CLSTN2: variants seen among roughly 807,000 people sequenced by gnomAD.
The protein encoded by CLSTN2 is calsyntenin 2.
Under a neutral mutation model 101.2 loss-of-function variants are expected in CLSTN2, and 48 were observed. The ratio of observed to expected loss-of-function variants is 0.47; its 90% CI spans 0.38 to 0.60. CLSTN2 has a LOEUF of 0.60. Ranked by LOEUF, CLSTN2 falls within the 20% of genes least tolerant of loss-of-function variation. CLSTN2 has a pLI of 0.00. For missense variants in CLSTN2, 1,160 were observed against 1,238.2 expected, an observed-to-expected ratio of 0.94 and a Z score of 0.95; for synonymous variants, 481 against 463.6, an observed-to-expected ratio of 1.04 and a Z score of -0.48.
intron 1 of CLSTN2, among the ~76,000 whole-genome samples, chr3:139,939,081 T>A (rs1422681116): frequency 6.6e-6 from 1 of 152,174 alleles, no homozygotes; most frequent in African/African-American, 2.4e-5. Flanking sequence ...TAGTATTGAC[T>A]GTGATAGAGA....
intron 8 of CLSTN2, among the ~76,000 whole-genome samples, chr3:140,498,661 ACT>A (rs1295047006): frequency 6.6e-6 from 1 of 151,960 alleles, no homozygotes; most frequent in African/African-American, 2.4e-5. Context: ...GTGCTAATTC[ACT>A]CTCTTTAATG....
At chr3:140,350,879 C>G (rs993971308) in intron 2 of CLSTN2, among the ~76,000 whole-genome samples, 4 of 152,138 alleles carry the variant, frequency 2.6e-5, no homozygotes, top group African/African-American at 9.7e-5. Flanking sequence ...TTTCACAAAA[C>G]CCTGGACTCA....
rs544515046 is a variant in CLSTN2 at position 140,080,859 on chromosome 3, C to T, written c.110-95092C>T. ...TGGGGTGAGTGCGTGGTGTGTTACACGGATAAGTACAAGGCTATAAGGGTG... is the reference window on the plus strand; with the variant it reads ...TGGGGTGAGTGCGTGGTGTGTTACATGGATAAGTACAAGGCTATAAGGGTG... On this transcript the variant is annotated intron_variant, in intron 1 of 16. Coordinates refer to ENST00000458420, the MANE Select transcript of CLSTN2 (RefSeq NM_022131.3). 4.5e-4 allele frequency among the ~76,000 whole-genome samples: 69 copies of T among 152,268 alleles called. 1 individual carries two copies. The South Asian group carries it at 7.0e-3, about 16-fold the overall frequency.
chr3:140,404,820 C>T, intron 4 of CLSTN2, 54 bp downstream of exon 4: 2 of 1,454,036 alleles, frequency 1.4e-6, no homozygotes, highest in Non-Finnish European at 1.9e-6. Flanking sequence ...CCATCGCCTC[C>T]ACTCTGAAGA....
intron 7 of CLSTN2, among the ~76,000 whole-genome samples, chr3:140,460,817 T>C (rs773132955): frequency 1.4e-4 from 22 of 152,098 alleles, no homozygotes; most frequent in Admixed American, 2.0e-4. Flanking sequence ...ACACCCCAAA[T>C]AAATAACAAT....
chr3:139,950,607 C>T (rs896065417), intron 1 of CLSTN2, among the ~76,000 whole-genome samples: 2 of 152,216 alleles, frequency 1.3e-5, no homozygotes, highest in Non-Finnish European at 2.9e-5. Context: ...GAACTTTCAA[C>T]CGTATCAGAA....
At chr3:140,203,461 G>GT (rs58182333) in intron 2 of CLSTN2, among the ~76,000 whole-genome samples, 6,630 of 68,042 alleles carry the variant, frequency 0.097, 557 homozygotes, top group Middle Eastern at 0.12. Flanking sequence ...GAAAGTGTGG[G>GT]TTTTTTTTTT....
At chr3:140,330,551 T>G (rs993529668) in intron 2 of CLSTN2, among the ~76,000 whole-genome samples, 1 of 152,196 alleles carries the variant, frequency 6.6e-6, no homozygotes, top group African/African-American at 2.4e-5. Context: ...TTGTTTTTCT[T>G]GCCCTCTCAC....
intron 4 of CLSTN2, among the ~76,000 whole-genome samples, chr3:140,408,409 CCAGGTTCCCT>C (rs1251835714): frequency 2.6e-4 from 40 of 152,158 alleles, no homozygotes; most frequent in African/African-American, 9.7e-4. Context: ...GCAGGAGCCA[CCAGGTTCCCT>C]AGTGACTGCT....
intron 1 of CLSTN2, among the ~76,000 whole-genome samples, chr3:140,067,524 T>A (rs2008319589): frequency 6.6e-6 from 1 of 152,116 alleles, no homozygotes; most frequent in Non-Finnish European, 1.5e-5. Flanking sequence ...CTCGAGAAGG[T>A]CCATTCAAGT....
chr3:140,245,718 T>C (rs761291582), intron 2 of CLSTN2, among the ~76,000 whole-genome samples: 8 of 152,146 alleles, frequency 5.3e-5, no homozygotes, highest in Non-Finnish European at 1.2e-4. Flanking sequence ...TAGATCACAA[T>C]AAGTAGATCT....
intron 2 of CLSTN2, among the ~76,000 whole-genome samples, chr3:140,223,316 C>A (rs2086291551): frequency 6.6e-6 from 1 of 152,318 alleles, no homozygotes; most frequent in Admixed American, 6.5e-5. Flanking sequence ...GCTGCACAGG[C>A]TGCTTTTCCT....
chr3:140,206,401 G>A (rs1318050774), intron 2 of CLSTN2, among the ~76,000 whole-genome samples: 3 of 152,182 alleles, frequency 2.0e-5, no homozygotes, highest in African/African-American at 4.8e-5. Flanking sequence ...AAGGAAGAGT[G>A]GCAGGGCAGA....
intron 8 of CLSTN2, among the ~76,000 whole-genome samples, chr3:140,526,030 C>T (rs1247784949): frequency 6.6e-6 from 1 of 152,104 alleles, no homozygotes; most frequent in Admixed American, 6.6e-5. Flanking sequence ...ACAAGGACAC[C>T]TATTCTCACC....
chr3:139,991,310 A>C (rs1936110745), intron 1 of CLSTN2, among the ~76,000 whole-genome samples: 1 of 152,252 alleles, frequency 6.6e-6, no homozygotes. Context: ...GGATTGAATA[A>C]ATATAAAATG....
chr3:140,504,337 T>C (rs571456892), intron 8 of CLSTN2, among the ~76,000 whole-genome samples: 1 of 137,202 alleles, frequency 7.3e-6, no homozygotes, highest in Admixed American at 6.8e-5. Flanking sequence ...TAATATTATA[T>C]ACGATTCAAG....
At chr3:140,081,692 A>G (rs1432650046) in intron 1 of CLSTN2, among the ~76,000 whole-genome samples, 1 of 148,680 alleles carries the variant, frequency 6.7e-6, no homozygotes, top group Non-Finnish European at 1.5e-5. Context: ...TGATATCATG[A>G]TATCATACCA....
chr3:140,439,762 C>T (rs1281727514), intron 5 of CLSTN2, among the ~76,000 whole-genome samples: 2 of 152,160 alleles, frequency 1.3e-5, no homozygotes, highest in African/African-American at 2.4e-5. Context: ...CGCACACACA[C>T]ACACACAGCA....
chr3:140,180,223 G>A (rs1374318221), intron 2 of CLSTN2, among the ~76,000 whole-genome samples: 1 of 152,314 alleles, frequency 6.6e-6, no homozygotes, highest in Non-Finnish European at 1.5e-5. Flanking sequence ...ACTCAGAGAC[G>A]CTAAGCAACT....
Sources: allele counts gnomAD v4.1 joint callset (sites outside exome capture counted in the v4.1 genomes callset), GRCh38; gene constraint gnomAD v4.1.1; transcripts MANE v1.5; gene names NCBI Gene and HGNC (gene_info 2026-07-23, HGNC 2026-07-21).